Variants in PRAMEF20 observed in about 807,000 individuals in gnomAD.
PRAMEF20 encodes PRAME family member 20/21.
Under a neutral mutation model 32.4 loss-of-function variants are expected in PRAMEF20, and 27 were observed. That is an observed-to-expected ratio of 0.83 (90% CI 0.61 to 1.15). The LOEUF (loss-of-function observed/expected upper bound fraction) is 1.15, where lower values mean the gene tolerates loss of function less well. PRAMEF20 is among the 50% of genes most tolerant of loss of function. The probability of loss-of-function intolerance (pLI) is 0.00; values close to 1 mark genes in which losing one functional copy is unlikely to be tolerated. For synonymous variants in PRAMEF20, 256 were observed against 235.4 expected, an observed-to-expected ratio of 1.09 and a Z score of -0.80; for missense variants, 604 against 584.5, an observed-to-expected ratio of 1.03 and a Z score of -0.34.
intron 2 of PRAMEF20, among the ~76,000 whole-genome samples, chr1:13,419,988 CTGA>C (rs1303955601): frequency 6.6e-6 from 1 of 152,156 alleles, no homozygotes; most frequent in Non-Finnish European, 1.5e-5. Flanking sequence ...AGATGGTTTG[CTGA>C]TGATACAGGC....
chr1:13,416,703 GT>G, intron 1 of PRAMEF20, 62 bp downstream of exon 2: 5 of 1,612,664 alleles, frequency 3.1e-6, no homozygotes, highest in Non-Finnish European at 2.5e-6. Flanking sequence ...GAACAGCTGG[GT>G]CATGAGGAGT....
chr1:13,415,246 A>AT (rs1288181190), upstream of PRAMEF20, among the ~76,000 whole-genome samples: 2 of 151,762 alleles, frequency 1.3e-5, no homozygotes, highest in East Asian at 2.0e-4. Context: ...TGCCCAGCTA[A>AT]TTTTTTTGTA....
exon 3 of PRAMEF20, chr1:13,421,145 G>C: frequency 6.2e-7 from 1 of 1,613,936 alleles, no homozygotes; most frequent in South Asian, 1.1e-5. Flanking sequence ...TGAGCTGATG[G>C]GGAGAGTGAG....
At chr1:13,412,646 C>G (rs1641124881), upstream of PRAMEF20, among the ~76,000 whole-genome samples, 3 of 151,928 alleles carry the variant, frequency 2.0e-5, no homozygotes, top group South Asian at 6.3e-4. Flanking sequence ...ATTTTCCTAT[C>G]TAGTTTTCAC....
upstream of PRAMEF20, among the ~76,000 whole-genome samples, chr1:13,414,156 C>T (rs1641138874): frequency 6.6e-6 from 1 of 151,664 alleles, no homozygotes; most frequent in Non-Finnish European, 1.5e-5. Flanking sequence ...ATTCTCCTGA[C>T]TCAGCCTCTC....
upstream of PRAMEF20, among the ~76,000 whole-genome samples, chr1:13,415,513 G>C (rs1641159721): frequency 6.6e-6 from 1 of 152,050 alleles, no homozygotes; most frequent in Non-Finnish European, 1.5e-5. Context: ...CGGAGCAGAG[G>C]CTCATGCCTG....
intron 1 of PRAMEF20, among the ~76,000 whole-genome samples, chr1:13,417,220 G>T (rs1366097221): frequency 6.6e-6 from 1 of 152,028 alleles, no homozygotes; most frequent in Non-Finnish European, 1.5e-5. Flanking sequence ...TTCCCTTATG[G>T]TCCCCTCCCA....
At chr1:13,418,176 G>T in exon 2 of PRAMEF20, 1 of 1,613,584 alleles carries the variant, frequency 6.2e-7, no homozygotes, top group South Asian at 1.1e-5. Flanking sequence ...ACTTCTGGAT[G>T]GTTTGGTCTG....
At chr1:13,412,919 GC>G (rs1297185335), upstream of PRAMEF20, among the ~76,000 whole-genome samples, 4 of 151,610 alleles carry the variant, frequency 2.6e-5, no homozygotes, top group South Asian at 6.3e-4. Context: ...ATGAGACTCA[GC>G]CCCCCACCCT....
At chr1:13,412,855 T>C (rs961817995), upstream of PRAMEF20, among the ~76,000 whole-genome samples, 225 of 151,086 alleles carry the variant, frequency 1.5e-3, 1 homozygote, top group South Asian at 4.4e-3. Context: ...ACCTGGGAGG[T>C]GGAGGTTACA....
chr1:13,418,399 G>A, exon 2 of PRAMEF20: 3 of 1,613,806 alleles, frequency 1.9e-6, no homozygotes. Flanking sequence ...GAAAATGTTG[G>A]GAATGCTCTT....
At chr1:13,418,519 G>A (rs954511775) in exon 2 of PRAMEF20, 50 of 1,613,732 alleles carry the variant, frequency 3.1e-5, no homozygotes, top group African/African-American at 5.3e-5. Context: ...CCCATACCTC[G>A]GCCAGATGAG....
upstream of PRAMEF20, among the ~76,000 whole-genome samples, chr1:13,414,208 A>ATTTTTTTTTTTTTTTT (rs149194621): frequency 1.6e-5 from 2 of 123,280 alleles, no homozygotes; most frequent in African/African-American, 3.0e-5. Context: ...CACCTGACTA[A>ATTTTTTTTTTTTTTTT]TTTTTTTTTT....
rs758378998 is a variant in PRAMEF20 at position 13,416,437 on chromosome 1, T to C, written c.83T>C (p.Leu28Pro). 25 of 1,614,056 alleles carry C rather than the reference T, an allele frequency of 1.5e-5. No homozygotes were observed. The African/African-American group carries it at 3.2e-4, about 21-fold the overall frequency. ...GACGAGGCCTTGGCCATCTCCACCC[T>C]GGAGGAGCTGCCCACGGAACTTTTT... Residue 28 changes from leucine to proline, a missense_variant, in exon 1 of 3, where the codon CTG (leucine) becomes CCG (proline). Physicochemically the swap from Leu to Pro is moderately conservative, Grantham distance 98. Transcript: ENST00000602960.
exon 1 of PRAMEF20, chr1:13,416,550 C>G (rs1641175637): frequency 6.2e-7 from 1 of 1,614,150 alleles, no homozygotes; most frequent in African/African-American, 1.3e-5. Flanking sequence ...CCGCCTTCCT[C>G]TGGGGTCTCT....
At chr1:13,414,208 AT>A (rs149194621), upstream of PRAMEF20, among the ~76,000 whole-genome samples, 2,856 of 123,086 alleles carry the variant, frequency 0.023, 38 homozygotes, top group South Asian at 0.081. Context: ...CACCTGACTA[AT>A]TTTTTTTTTT....
Position 13,419,571 on chromosome 1 carries a change from G to A in PRAMEF20, c.866+871G>A, listed in dbSNP as rs998866856. ...TGAGTAGCTGGGACAACAGGTGCCC[G>A]ACACCACGCCCGGCTAATTTTTGTT... On this transcript the variant is annotated intron_variant, in intron 2 of 2. Coordinates refer to ENST00000602960, the Ensembl canonical transcript of PRAMEF20. Among the ~76,000 whole-genome samples the A allele has an allele frequency of 3.4e-4, 52 of 151,920 alleles. No homozygotes were observed. In the South Asian group the frequency reaches 6.7e-3, roughly 19 times the overall value.
upstream of PRAMEF20, among the ~76,000 whole-genome samples, chr1:13,412,680 T>C (rs1455625103): frequency 6.6e-6 from 1 of 151,884 alleles, no homozygotes; most frequent in Non-Finnish European, 1.5e-5. Flanking sequence ...TCCTATCCAG[T>C]TTTCATGGTA....
the PRAMEF20 span, among the ~76,000 whole-genome samples, chr1:13,411,306 TG>T: frequency 6.6e-6 from 1 of 152,172 alleles, no homozygotes; most frequent in Admixed American, 6.6e-5. Flanking sequence ...TACTCCAGCC[TG>T]GGCAACAGAG....
Sources: gnomAD v4.1 joint callset for allele counts (sites outside exome capture counted in the v4.1 genomes callset) on GRCh38, gnomAD v4.1.1 for gene constraint, MANE v1.5 for transcripts, NCBI Gene and HGNC (gene_info 2026-07-23, HGNC 2026-07-21) for gene names.